The following PAH variants were observed in gnomAD, a reference collection of about 807,000 sequenced individuals.
PAH encodes phenylalanine-4-hydroxylase.
Under a neutral mutation model 62.0 loss-of-function variants are expected in PAH, and 64 were observed. The observed-to-expected ratio is 1.03, with a 90% CI of 0.84 to 1.27. PAH has a LOEUF of 1.27. Ranked by LOEUF, PAH falls within the 50% of genes most tolerant of loss-of-function variation. PAH has a pLI of 0.00. For synonymous variants in PAH, 195 were observed against 196.2 expected, an observed-to-expected ratio of 0.99 and a Z score of 0.05; for missense variants, 579 against 542.8, an observed-to-expected ratio of 1.07 and a Z score of -0.66.
chr12:102,848,856 T>C (rs1189093520), intron 8 of PAH, among the ~76,000 whole-genome samples: 1 of 128,446 alleles, frequency 7.8e-6, no homozygotes, highest in Non-Finnish European at 1.6e-5. Flanking sequence ...AGGCTGAGGG[T>C]TAAAGGGACA....
At chr12:102,888,874 A>C (rs1050844198) in intron 3 of PAH, among the ~76,000 whole-genome samples, 1 of 152,178 alleles carries the variant, frequency 6.6e-6, no homozygotes, top group Non-Finnish European at 1.5e-5. Context: ...GGTCTCCTGC[A>C]GACACAGAGC....
At chr12:102,910,357 A>G (rs1235624311) in intron 2 of PAH, among the ~76,000 whole-genome samples, 1 of 149,674 alleles carries the variant, frequency 6.7e-6, no homozygotes, top group Non-Finnish European at 1.5e-5. Flanking sequence ...GTTCTTTGCA[A>G]CCTCCTTGAA....
In PAH at chr12:102,895,350, A is replaced by G. The variant is rs112968334; in HGVS notation, c.169-432T>C. Among the ~76,000 whole-genome samples, 716 of 152,226 alleles carry G rather than the reference A, an allele frequency of 4.7e-3. 5 individuals carry two copies. The highest frequency in any genetic ancestry group is 7.8e-3 in the Non-Finnish European group (530 of 68,012). On this transcript the variant is annotated intron_variant, in intron 2 of 12. Transcript: ENST00000553106. ...TTGAATAGGGGGTCAGACTTATTTG[A>G]TTTATATCTAATATCTAAATTTATT...
At chr12:102,875,729 T>C (rs1418647322) in intron 4 of PAH, among the ~76,000 whole-genome samples, 4 of 152,158 alleles carry the variant, frequency 2.6e-5, no homozygotes, top group Non-Finnish European at 5.9e-5. Flanking sequence ...GCTTTAAATT[T>C]AATTCCTATC....
At chr12:102,858,867 A>G (rs950000731) in intron 5 of PAH, among the ~76,000 whole-genome samples, 1 of 152,232 alleles carries the variant, frequency 6.6e-6, no homozygotes, top group African/African-American at 2.4e-5. Flanking sequence ...CACAAGAGAA[A>G]GCAGGAAAGA....
chr12:102,868,172 A>ATG (rs1485802086), intron 4 of PAH, among the ~76,000 whole-genome samples: 316 of 8,494 alleles, frequency 0.037, 58 homozygotes, highest in African/African-American at 0.14. Context: ...ATATACATAT[A>ATG]TGTGTATATA....
intron 1 of PAH, among the ~76,000 whole-genome samples, chr12:102,930,358 A>G (rs1164784232): frequency 6.8e-6 from 1 of 146,818 alleles, no homozygotes; most frequent in East Asian, 1.9e-4. Context: ...TTGTCTGGTT[A>G]CATATTTTCA....
intron 4 of PAH, among the ~76,000 whole-genome samples, chr12:102,868,319 G>T (rs1565855266): frequency 6.6e-6 from 1 of 150,936 alleles, no homozygotes; most frequent in East Asian, 2.0e-4. Context: ...GACACTTGTT[G>T]GAAGAAAGGA....
intron 3 of PAH, among the ~76,000 whole-genome samples, chr12:102,880,291 C>T (rs909109011): frequency 4.6e-5 from 7 of 152,168 alleles, no homozygotes; most frequent in African/African-American, 7.2e-5. Context: ...TTGTTTCCCA[C>T]CCAGGTTTGC....
rs5030856 is a variant in PAH at position 102,843,676 on chromosome 12, T to C, written c.1169A>G (p.Glu390Gly). Residue 390 changes from glutamate (E) to glycine (G), a missense_variant, in exon 11 of 13, where the codon GAG becomes GGG. Physicochemically the swap from Glu to Gly is moderately conservative, Grantham distance 98. Coordinates refer to ENST00000553106, the MANE Select transcript of PAH (RefSeq NM_000277.3). Reference protein sequence around the residue: ...TEFQPLYYVAESFNDAKEKVR... With the variant: ...TEFQPLYYVAGSFNDAKEKVR... ...TTTCTCCTTGGCATCATTAAAACTC[T>C]CTGCCACGTAATAGAGGGGCTGGAA... is the stretch of plus-strand genomic sequence containing the variant. 159 of 1,613,598 alleles carry C rather than the reference T, an allele frequency of 9.9e-5. No individual in the cohort carries two copies. Among genetic ancestry groups the C allele is most frequent in the Middle Eastern group, 4.9e-4 (3 of 6,080 alleles).
intron 8 of PAH, among the ~76,000 whole-genome samples, chr12:102,849,395 T>C (rs992218512): frequency 2.0e-5 from 3 of 151,726 alleles, no homozygotes; most frequent in African/African-American, 7.3e-5. Flanking sequence ...GGCAATTCAA[T>C]ATGCAAGTCT....
intron 1 of PAH, among the ~76,000 whole-genome samples, chr12:102,949,389 A>G (rs1156392452): frequency 6.6e-6 from 1 of 152,196 alleles, no homozygotes; most frequent in Non-Finnish European, 1.5e-5. Context: ...CTATTCAAAG[A>G]GAGGAATGGT....
chr12:102,955,686 G>T (rs183739111), upstream of PAH, among the ~76,000 whole-genome samples: 3 of 152,122 alleles, frequency 2.0e-5, no homozygotes, highest in Admixed American at 1.3e-4. Context: ...GGAGGTGCAG[G>T]GTGCCCAGGC....
intron 1 of PAH, among the ~76,000 whole-genome samples, chr12:102,949,800 G>C (rs1038541182): frequency 6.6e-6 from 1 of 152,160 alleles, no homozygotes; most frequent in East Asian, 1.9e-4. Flanking sequence ...GGAGTCCAAA[G>C]AGAAGGGACC....
chr12:102,873,590 T>C (rs1452756990), intron 4 of PAH, among the ~76,000 whole-genome samples: 2 of 152,326 alleles, frequency 1.3e-5, no homozygotes, highest in South Asian at 2.1e-4. Context: ...TCCCTAACCA[T>C]TCCAGTACAC....
chr12:102,927,886 T>G (rs926528152), intron 1 of PAH, among the ~76,000 whole-genome samples: 1 of 152,154 alleles, frequency 6.6e-6, no homozygotes, highest in African/African-American at 2.4e-5. Context: ...ATATTTTGTT[T>G]GTCACATTTA....
intron 5 of PAH, among the ~76,000 whole-genome samples, chr12:102,864,095 T>G (rs940076713): frequency 1.3e-5 from 2 of 152,056 alleles, no homozygotes; most frequent in African/African-American, 4.8e-5. Context: ...ACATTTCTAG[T>G]AGAGGCAGAC....
Position 102,855,230 on chromosome 12 carries a change from A to G in PAH, c.612T>C (p.Tyr204=), listed in dbSNP as rs62514928. 233 of 1,614,156 alleles carry G rather than the reference A, an allele frequency of 1.4e-4. No individual in the cohort carries two copies. The highest frequency in any genetic ancestry group is 1.4e-3 in the South Asian group (130 of 91,086). ...LKSLYKTHAC[Y]EYNHIFPLLE... is the part of the protein sequence containing the mutation. ...GAAGTGGAAAAATGTGATTGTACTCATAGCAAGCATGGGTTTTATACAAGG... is the reference window on the plus strand; with the variant it reads ...GAAGTGGAAAAATGTGATTGTACTCGTAGCAAGCATGGGTTTTATACAAGG... Residue 204 remains tyrosine, a synonymous_variant, in exon 6 of 13, where the codon TAT becomes TAC. Coordinates refer to ENST00000553106, the MANE Select transcript of PAH (RefSeq NM_000277.3).
At chr12:102,941,491 A>G (rs1410146955) in intron 1 of PAH, among the ~76,000 whole-genome samples, 1 of 152,216 alleles carries the variant, frequency 6.6e-6, no homozygotes, top group Non-Finnish European at 1.5e-5. Flanking sequence ...AAAACAAAAA[A>G]GAGCAGGGAT....
Sources: gnomAD v4.1 joint callset for allele counts (sites outside exome capture counted in the v4.1 genomes callset) on GRCh38, gnomAD v4.1.1 for gene constraint, MANE v1.5 for transcripts, NCBI Gene and HGNC (gene_info 2026-07-23, HGNC 2026-07-21) for gene names.